The following UBR2 variants were observed in gnomAD, a reference collection of about 807,000 sequenced individuals.
UBR2 encodes the protein E3 ubiquitin-protein ligase UBR2.
In UBR2, 92 loss-of-function variants were observed where a neutral mutation model predicts 247.9. The observed-to-expected ratio is 0.37, with a 90% confidence interval of 0.31 to 0.44. The LOEUF (loss-of-function observed/expected upper bound fraction) is 0.44. Ranked by LOEUF, UBR2 falls within the 20% of genes least tolerant of loss-of-function variation. UBR2 has a pLI of 1.00. For synonymous variants in UBR2, 672 were observed against 693.5 expected, an observed-to-expected ratio of 0.97 and a Z score of 0.49; for missense variants, 1,613 against 2,112.6, an observed-to-expected ratio of 0.76 and a Z score of 4.64.
At chr6:42,614,425 T>TAC (rs765557498) in intron 8 of UBR2, among the ~76,000 whole-genome samples, 199 of 6,686 alleles carry the variant, frequency 0.03, no homozygotes, top group Non-Finnish European at 0.035. Context: ...CGTACGTACA[T>TAC]ATATATGTAT....
chr6:42,669,352 A>G (rs982511899), intron 34 of UBR2, among the ~76,000 whole-genome samples: 4 of 152,170 alleles, frequency 2.6e-5, no homozygotes, highest in Non-Finnish European at 5.9e-5. Flanking sequence ...CAGTAAACCT[A>G]TTGAATCTGA....
At chr6:42,658,849 A>T in intron 29 of UBR2, 25 bp downstream of exon 29, 1 of 1,465,532 alleles carries the variant, frequency 6.8e-7, no homozygotes, top group South Asian at 1.4e-5. Flanking sequence ...AAAAAAAATT[A>T]ATGTCTTGAC....
chr6:42,667,587 C>CTTTTTTTTTTTTTTTTTTTTTTTTT (rs1161068427), intron 34 of UBR2, among the ~76,000 whole-genome samples: 4 of 47,428 alleles, frequency 8.4e-5, no homozygotes, highest in Non-Finnish European at 1.0e-4. Context: ...ACAGTTTTGT[C>CTTTTTTTTTTTTTTTTTTTTTTTTT]TTTTTTTTTT....
chr6:42,591,463 C>G (rs952142027), intron 2 of UBR2, among the ~76,000 whole-genome samples: 2 of 152,140 alleles, frequency 1.3e-5, no homozygotes, highest in Non-Finnish European at 2.9e-5. Flanking sequence ...ATGTATCTAA[C>G]TGGCAGTATG....
chr6:42,640,280 G>A lies in UBR2; in HGVS notation c.1920+10G>A. ...AGAGCTCCTACCTCTAGTAAGTGGT[G>A]CTTACATTTAAAAGTGAATACTTAT... On this transcript the variant is annotated intron_variant, in intron 16 of 46. Transcript: ENST00000372901. 6.3e-7 allele frequency: 1 copy of A among 1,587,740 alleles called. No homozygotes were observed. The highest frequency in any genetic ancestry group is 1.9e-5 in the Admixed American group (1 of 52,598).
chr6:42,603,837 A>G (rs551875232), intron 5 of UBR2, 119 bp downstream of exon 5: 10 of 1,052,936 alleles, frequency 9.5e-6, no homozygotes, highest in Non-Finnish European at 1.3e-5. Flanking sequence ...AATAACCTCA[A>G]TTTTATAGTT....
At chr6:42,582,568 G>A (rs73438644) in intron 2 of UBR2, among the ~76,000 whole-genome samples, 3,323 of 152,096 alleles carry the variant, frequency 0.022, 112 homozygotes, top group African/African-American at 0.075. Context: ...TTCTCCTCTA[G>A]TAATGTACGA....
chr6:42,674,272 C>A, intron 38 of UBR2, 79 bp downstream of exon 38: 1 of 1,327,436 alleles, frequency 7.5e-7, no homozygotes, highest in South Asian at 1.3e-5. Flanking sequence ...AGTGTAGTGG[C>A]AGACAGGAAG....
At chr6:42,597,589 C>G (rs62414615) in intron 4 of UBR2, among the ~76,000 whole-genome samples, 1 of 144,304 alleles carries the variant, frequency 6.9e-6, no homozygotes, top group African/African-American at 2.5e-5. Context: ...CAGAGTGAGA[C>G]TCTGTCTCCA....
At chr6:42,573,693 T>C in intron 1 of UBR2, 41 bp from the exon 2 acceptor site, 2 of 1,450,282 alleles carry the variant, frequency 1.4e-6, no homozygotes, top group East Asian at 2.5e-5. Context: ...AATTAGTTTG[T>C]TGGTGTTTAA....
At chr6:42,649,824 T>A (rs1035825139) in intron 22 of UBR2, among the ~76,000 whole-genome samples, 3 of 152,246 alleles carry the variant, frequency 2.0e-5, no homozygotes, top group Non-Finnish European at 4.4e-5. Context: ...TTTAACTTTC[T>A]GTTTTTAAAA....
intron 11 of UBR2, among the ~76,000 whole-genome samples, chr6:42,629,153 A>T (rs1159976977): frequency 6.6e-6 from 1 of 151,848 alleles, no homozygotes; most frequent in Non-Finnish European, 1.5e-5. Flanking sequence ...AGTAGCTGGG[A>T]TTATAGGTGC....
At chr6:42,653,672 A>G (rs1320053048) in intron 25 of UBR2, among the ~76,000 whole-genome samples, 1 of 116,992 alleles carries the variant, frequency 8.5e-6, no homozygotes, top group Non-Finnish European at 1.6e-5. Context: ...CTGGAGTACA[A>G]TGGTGTGATC....
At chr6:42,595,840 A>G (rs1211958786) in intron 4 of UBR2, among the ~76,000 whole-genome samples, 2 of 151,920 alleles carry the variant, frequency 1.3e-5, no homozygotes, top group Non-Finnish European at 2.9e-5. Context: ...ATTCAGTGCT[A>G]TGGAAAACAT....
chr6:42,584,756 A>G (rs73438665), intron 2 of UBR2, among the ~76,000 whole-genome samples: 3,327 of 152,204 alleles, frequency 0.022, 112 homozygotes, highest in African/African-American at 0.075. Context: ...TTGTTCCTAA[A>G]TAATTTATGA....
chr6:42,645,796 A>G (rs541873759), intron 21 of UBR2, among the ~76,000 whole-genome samples: 2 of 152,356 alleles, frequency 1.3e-5, no homozygotes, highest in Non-Finnish European at 2.9e-5. Context: ...ATCTTTTACA[A>G]TAAAGCCTTG....
intron 11 of UBR2, among the ~76,000 whole-genome samples, chr6:42,621,138 C>T (rs1276860470): frequency 6.6e-6 from 1 of 152,148 alleles, no homozygotes; most frequent in Non-Finnish European, 1.5e-5. Context: ...AAGATATTCT[C>T]CCACGTTTTC....
chr6:42,576,656 A>G (rs1791538198), intron 2 of UBR2, among the ~76,000 whole-genome samples: 1 of 150,860 alleles, frequency 6.6e-6, no homozygotes, highest in Admixed American at 6.6e-5. Context: ...CTGCCTCCCG[A>G]GTAGATGGGA....
intron 11 of UBR2, chr6:42,619,752 CTG>C (rs1227665751): frequency 5.9e-6 from 1 of 168,398 alleles, no homozygotes; most frequent in African/African-American, 2.4e-5. Context: ...AGTTCTTGCT[CTG>C]TCACTCAGGC....
Sources: gnomAD v4.1 joint callset for allele counts (sites outside exome capture counted in the v4.1 genomes callset) on GRCh38, gnomAD v4.1.1 for gene constraint, MANE v1.5 for transcripts, NCBI Gene and HGNC (gene_info 2026-07-23, HGNC 2026-07-21) for gene names.